AP2A1: variants seen among roughly 807,000 people sequenced by gnomAD.
AP2A1 encodes the protein adaptor related protein complex 2 subunit alpha 1.
In AP2A1, 21 loss-of-function variants were observed where a neutral mutation model predicts 107.3. That is an observed-to-expected ratio of 0.20 (90% CI 0.14 to 0.28). AP2A1 has a LOEUF of 0.28. Among genes scored for constraint, AP2A1 ranks in the 10% least tolerant of loss-of-function variants. The pLI is 1.00. For synonymous variants in AP2A1, 602 were observed against 564.8 expected, an observed-to-expected ratio of 1.07 and a Z score of -0.93; for missense variants, 873 against 1,307.7, an observed-to-expected ratio of 0.67 and a Z score of 5.13.
intron 15 of AP2A1, chr19:49,802,627 G>A: frequency 1.3e-6 from 2 of 1,521,524 alleles, no homozygotes; most frequent in Non-Finnish European, 8.8e-7. Flanking sequence ...GTGGGAGGTC[G>A]GTCGGGGGGG....
intron 1 of AP2A1, among the ~76,000 whole-genome samples, chr19:49,776,292 G>C (rs2084616935): frequency 6.6e-6 from 1 of 151,972 alleles, no homozygotes; most frequent in Non-Finnish European, 1.5e-5. Context: ...CATTGCACCT[G>C]CTGGTCCTCC....
Position 49,805,643 on chromosome 19 carries a change from T to G in AP2A1, c.2469-18T>G, listed in dbSNP as rs775465154. The G allele has an allele frequency of 6.4e-7, 1 of 1,554,576 alleles. No homozygotes were observed. The highest frequency in any genetic ancestry group is 8.7e-7 in the Non-Finnish European group (1 of 1,149,410). On this transcript the variant is annotated intron_variant, in intron 19 of 22. Coordinates refer to ENST00000354293, the MANE Select transcript of AP2A1 (RefSeq NM_130787.3). ...GTGAGGGGCGGGGCCTAATGGAGCCTCCCTTTCACCTCATCAGGTACGGTG... is the reference window on the plus strand; with the variant it reads ...GTGAGGGGCGGGGCCTAATGGAGCCGCCCTTTCACCTCATCAGGTACGGTG...
chr19:49,795,758 C>T lies in AP2A1; in HGVS notation c.814+20C>T. 1 of 1,515,600 alleles carries T rather than the reference C, an allele frequency of 6.6e-7. No individual in the cohort carries two copies. Among genetic ancestry groups the T allele is most frequent in the East Asian group, 2.5e-5 (1 of 40,816 alleles). The allele number at this position is 1,515,600 out of a possible 1,614,324, so 93.9% of individuals were successfully genotyped here. On this transcript the variant is annotated intron_variant, in intron 7 of 22. Transcript: ENST00000354293. ...CTCCAGGTAATGAACGCCGTGCACTCCCCAACCCGGGGTGGCCTGCTGCTG... is the reference window on the plus strand; with the variant it reads ...CTCCAGGTAATGAACGCCGTGCACTTCCCAACCCGGGGTGGCCTGCTGCTG...
chr19:49,806,506 T>C, intron 22 of AP2A1, 175 bp from the exon 23 acceptor site: 2 of 1,447,960 alleles, frequency 1.4e-6, no homozygotes, highest in South Asian at 1.5e-5. Flanking sequence ...CTCTCATCTT[T>C]TATAATTTTC....
In AP2A1 at chr19:49,795,673, A is replaced by G. The variant is rs1436780576; in HGVS notation, c.749A>G (p.Tyr250Cys). The G allele has an allele frequency of 1.3e-6, 2 of 1,554,272 alleles. No homozygotes were observed. Among genetic ancestry groups the G allele is most frequent in the Non-Finnish European group, 1.7e-6 (2 of 1,154,768 alleles). Residue 250 changes from tyrosine to cysteine, a missense_variant, in exon 7 of 23, where the codon TAC (tyrosine) becomes TGC (cysteine). This residue lies in a region of AP2A1 where 157 missense variants were observed against 212.6 expected (regional missense o/e 0.74). Transcript: ENST00000354293. ...ASTDLQDYTY[Y>C]FVPAPWLSVK... is the part of the protein sequence containing the mutation. Reference sequence around the variant, plus strand: ...ACCGACCTCCAGGACTACACCTACTACTTCGTCCCAGCACCCTGGCTCTCG... The same window carrying G: ...ACCGACCTCCAGGACTACACCTACTGCTTCGTCCCAGCACCCTGGCTCTCG...
At chr19:49,798,680 G>A (rs2073240673) in intron 7 of AP2A1, 122 bp from the exon 8 acceptor site, 5 of 1,322,250 alleles carry the variant, frequency 3.8e-6, no homozygotes, top group African/African-American at 1.5e-5. Context: ...CAGAATTCTC[G>A]AGTGTCAGAG....
At position 49,779,511 on chromosome 19, in the gene AP2A1, A is replaced by C. The variant is rs28545563; in HGVS notation, c.68-2246A>C. On this transcript the variant is annotated intron_variant, in intron 1 of 22. Transcript: ENST00000354293. The stretch of plus-strand genomic sequence containing the variant: ...ACAAAAAAAAAAAAAAAAAAAAAAA[A>C]CAGAAACAGGCAAAATTAATTTTAA... Among the ~76,000 whole-genome samples, 19 of 145,416 alleles carry C rather than the reference A, an allele frequency of 1.3e-4. 1 individual carries two copies. Among genetic ancestry groups the C allele is most frequent in the African/African-American group, 4.3e-4 (16 of 37,348 alleles).
chr19:49,795,169 C>T (rs1467294501), intron 6 of AP2A1, among the ~76,000 whole-genome samples: 1 of 152,192 alleles, frequency 6.6e-6, no homozygotes, highest in African/African-American at 2.4e-5. Flanking sequence ...GCATGGGAGG[C>T]TCAGAGCCGA....
chr19:49,795,492 A>G, intron 6 of AP2A1, 138 bp from the exon 7 acceptor site: 2 of 641,080 alleles, frequency 3.1e-6, no homozygotes, highest in Non-Finnish European at 5.6e-6. Context: ...CCCTGTCTCT[A>G]CAAAAAAAAC....
chr19:49,788,591 C>T lies in AP2A1; in HGVS notation c.474-3344C>T, dbSNP rs960759357. ...GCGCTGTGGCTCAGGAGATGTGCGCCGTGGCAGCGATGGGAAAGTGGCCCA... is the reference window on the plus strand; with the variant it reads ...GCGCTGTGGCTCAGGAGATGTGCGCTGTGGCAGCGATGGGAAAGTGGCCCA... On this transcript the variant is annotated intron_variant, in intron 4 of 22. Transcript: ENST00000354293. The surrounding 1 kb of genome is among the most constrained non-coding windows in gnomAD (Gnocchi z 4.5). Among the ~76,000 whole-genome samples the T allele has an allele frequency of 4.1e-5, 6 of 146,524 alleles. No individual in the cohort carries two copies. Among genetic ancestry groups the T allele is most frequent in the African/African-American group, 1.0e-4 (4 of 38,938 alleles).
At chr19:49,796,434 C>G (rs983756395) in intron 7 of AP2A1, 1 of 152,376 alleles carries the variant, frequency 6.6e-6, no homozygotes, top group Non-Finnish European at 1.5e-5. Flanking sequence ...CCTCATGGAG[C>G]AGTTTCTTCG....
chr19:49,781,715 T>C, intron 1 of AP2A1, 42 bp from the exon 2 acceptor site: 2 of 1,553,566 alleles, frequency 1.3e-6, no homozygotes, highest in Non-Finnish European at 1.7e-6. Flanking sequence ...GGTGGCTGAC[T>C]CCCCAGACCC....
intron 6 of AP2A1, among the ~76,000 whole-genome samples, chr19:49,794,816 C>A (rs1421957535): frequency 2.0e-5 from 3 of 152,192 alleles, no homozygotes; most frequent in African/African-American, 7.2e-5. Context: ...GCATGTGCCA[C>A]CACGCCCAGC....
At chr19:49,789,003 G>A (rs1047837478) in intron 4 of AP2A1, among the ~76,000 whole-genome samples, 17 of 152,306 alleles carry the variant, frequency 1.1e-4, no homozygotes, top group African/African-American at 3.8e-4. Context: ...TGCAGCACAC[G>A]AGGGTTCCCA....
intron 22 of AP2A1, chr19:49,806,476 T>C: frequency 6.9e-7 from 1 of 1,442,882 alleles, no homozygotes; most frequent in Non-Finnish European, 9.1e-7. Context: ...TTTCTACCTT[T>C]CCATATCCTT....
chr19:49,791,827 T>C, intron 4 of AP2A1, 108 bp from the exon 5 acceptor site: 1 of 1,426,512 alleles, frequency 7.0e-7, no homozygotes, highest in Non-Finnish European at 9.4e-7. Flanking sequence ...TGTCTGTCCC[T>C]CTCGCTGGCC....
At chr19:49,781,680 G>C in intron 1 of AP2A1, 77 bp from the exon 2 acceptor site, 1 of 1,434,204 alleles carries the variant, frequency 7.0e-7, no homozygotes, top group Non-Finnish European at 9.6e-7. Flanking sequence ...TGCTGGGTGG[G>C]GCCGCGCCTA....
rs1353222380 is a variant in AP2A1, at chr19:49,801,517, G to A, written c.1681G>A (p.Gly561Ser). 1.9e-6 allele frequency: 3 copies of A among 1,613,514 alleles called. No homozygotes were observed. Among genetic ancestry groups the A allele is most frequent in the African/African-American group, 2.7e-5 (2 of 74,856 alleles). The change falls in exon 13 of 23, where the codon GGC becomes AGC. Residue 561 changes from glycine (G) to serine (S), a missense_variant. This residue lies in a region of AP2A1 where 213 missense variants were observed against 443.5 expected (regional missense o/e 0.48). Transcript: ENST00000354293. ...CCCCGAGACCAAGGCCACCATCCAGGGCGTCCTGCGGGCCGGCTCCCAGCT... is the reference window on the plus strand; with the variant it reads ...CCCCGAGACCAAGGCCACCATCCAGAGCGTCCTGCGGGCCGGCTCCCAGCT... ...LFPETKATIQ[G>S]VLRAGSQLRN...
rs1293756456 is a variant in AP2A1 at position 49,772,254 on chromosome 19, T to TTTTGTTTTG, written c.67+5057_67+5058insGTTTTGTTT. Among the ~76,000 whole-genome samples, 298 of 116,124 alleles carry TTTTGTTTTG rather than the reference T, an allele frequency of 2.6e-3. 14 individuals carry two copies. The highest frequency in any genetic ancestry group is 6.4e-3 in the East Asian group (24 of 3,722). The allele number at this position is 116,124 out of a possible 152,430, so 76.2% of individuals were successfully genotyped here. ...TTTGTATTTTTCATAGAGTTTTTTTTTTTTTTTTTTTTTTTTTTTTTTTGA... is the reference window on the plus strand; with the variant it reads ...TTTGTATTTTTCATAGAGTTTTTTTTTTTGTTTTGTTTTTTTTTTTTTTTTTTTTTTTGA... On this transcript the variant is annotated intron_variant, in intron 1 of 22. Coordinates refer to ENST00000354293, the MANE Select transcript of AP2A1 (RefSeq NM_130787.3).
Sources: gnomAD v4.1 joint callset for allele counts (sites outside exome capture counted in the v4.1 genomes callset) on GRCh38, gnomAD v4.1.1 for gene constraint, gnomAD v4.1.1 regional missense constraint, Gnocchi (gnomAD v3.1) non-coding constraint, MANE v1.5 for transcripts, NCBI Gene and HGNC (gene_info 2026-07-23, HGNC 2026-07-21) for gene names.